TCTN2: variants seen among roughly 807,000 people sequenced by gnomAD.
TCTN2 encodes the protein tectonic family member 2, also known as tectonic-2.
A neutral mutation model predicts 83.4 loss-of-function variants in TCTN2; 66 were observed. The observed-to-expected ratio is 0.79, with a 90% CI of 0.65 to 0.97. The LOEUF (loss-of-function observed/expected upper bound fraction) is 0.97, where lower values mean the gene tolerates loss of function less well. Ranked by LOEUF, TCTN2 falls within the 50% of genes least tolerant of loss-of-function variation. The pLI, the probability that TCTN2 is intolerant of heterozygous loss-of-function variation, is 0.00. For synonymous variants in TCTN2, 301 were observed against 326.7 expected, an observed-to-expected ratio of 0.92 and a Z score of 0.85; for missense variants, 794 against 858.1, an observed-to-expected ratio of 0.93 and a Z score of 0.93.
In TCTN2 at chr12:123,687,002, C is replaced by T. The variant is rs760376471; in HGVS notation, c.731C>T (p.Thr244Ile). The T allele has an allele frequency of 1.5e-5, 24 of 1,614,086 alleles. No individual in the cohort carries two copies. The highest frequency in any genetic ancestry group is 1.8e-5 in the Non-Finnish European group (21 of 1,180,060). Residue 244 changes from threonine to isoleucine, a missense_variant, in exon 6 of 18, where the codon ACA becomes ATA. Coordinates refer to ENST00000303372, the MANE Select transcript of TCTN2 (RefSeq NM_024809.5). ...FLCVQSPLAN[T>I]PFLGYFYHGA... is the part of the protein sequence containing the mutation. ...TGTGTGCAGTCCCCCCTTGCCAACA[C>T]ACCCTTCCTTGGTTACTTCTATCAT... is the stretch of plus-strand genomic sequence containing the variant.
intron 14 of TCTN2, chr12:123,700,085 C>T (rs1956154715): frequency 1.9e-6 from 1 of 518,280 alleles, no homozygotes; most frequent in Non-Finnish European, 3.5e-6. Flanking sequence ...AATCACAGCT[C>T]ATTGCCTCCT....
At chr12:123,672,453 A>G (rs548796674) in intron 3 of TCTN2, among the ~76,000 whole-genome samples, 2 of 152,254 alleles carry the variant, frequency 1.3e-5, no homozygotes, top group South Asian at 4.1e-4. Context: ...AAAAAGCTTT[A>G]TGCCAGGCAT....
At position 123,706,791 on chromosome 12, in the gene TCTN2, C is replaced by G. The variant is rs770905174; in HGVS notation, c.1835C>G (p.Pro612Arg). ...TGTGAGCACAAGGCCGACCTTCTCC[C>G]TATCAGTGCATCCGTCCAGTTTATT... ...LTCEHKADLL[P>R]ISASVQFIKI... The change falls in exon 16 of 18, where the codon CCT becomes CGT. Residue 612 changes from proline (P) to arginine (R), a missense_variant. Physicochemically the swap from Pro to Arg is moderately radical, Grantham distance 103. Coordinates refer to ENST00000303372, the MANE Select transcript of TCTN2 (RefSeq NM_024809.5). 6.2e-7 allele frequency: 1 copy of G among 1,614,200 alleles called. No individual in the cohort carries two copies. Among genetic ancestry groups the G allele is most frequent in the Admixed American group, 1.7e-5 (1 of 60,024 alleles).
intron 17 of TCTN2, chr12:123,707,285 C>T: frequency 3.2e-6 from 2 of 618,732 alleles, no homozygotes; most frequent in South Asian, 4.0e-5. Flanking sequence ...CTTGCTCTGA[C>T]ACCCTGGCTG....
rs372353543 is a variant in TCTN2 at position 123,699,823 on chromosome 12, C to G, written c.1612+13C>G. On this transcript the variant is annotated intron_variant, in intron 14 of 17. Transcript: ENST00000303372. Reference sequence around the variant, plus strand: ...CTCGAAATAATACGTAAGTCAAACCCGGGTACAATAAAGCCTGTAACTTGG... The same window carrying G: ...CTCGAAATAATACGTAAGTCAAACCGGGGTACAATAAAGCCTGTAACTTGG... The G allele has an allele frequency of 6.2e-7, 1 of 1,606,928 alleles. No individual in the cohort carries two copies. The highest frequency in any genetic ancestry group is 1.7e-5 in the Admixed American group (1 of 60,012).
chr12:123,694,529 T>A (rs916922057), intron 9 of TCTN2, among the ~76,000 whole-genome samples: 1 of 152,266 alleles, frequency 6.6e-6, no homozygotes, highest in Non-Finnish European at 1.5e-5. Flanking sequence ...CTCTGGTCTT[T>A]CATCTCACAA....
chr12:123,700,099 C>T (rs1416088100), intron 14 of TCTN2: 3 of 479,224 alleles, frequency 6.3e-6, no homozygotes, highest in Non-Finnish European at 1.1e-5. Context: ...GCCTCCTCAT[C>T]CTCCCAGGCT....
At chr12:123,707,518 G>T in intron 17 of TCTN2, 86 bp from the exon 18 acceptor site, 1 of 1,288,634 alleles carries the variant, frequency 7.8e-7, no homozygotes, top group Non-Finnish European at 1.1e-6. Flanking sequence ...GATTACAGGA[G>T]TGAGCCACCA....
chr12:123,679,597 C>T (rs897826091), intron 5 of TCTN2, among the ~76,000 whole-genome samples: 2 of 152,054 alleles, frequency 1.3e-5, no homozygotes, highest in South Asian at 4.1e-4. Flanking sequence ...TTCCTGGGAT[C>T]AAACAGTCCT....
chr12:123,681,474 G>C (rs118073002), intron 5 of TCTN2, among the ~76,000 whole-genome samples: 1 of 152,158 alleles, frequency 6.6e-6, no homozygotes, highest in Admixed American at 6.6e-5. Context: ...GACATTGCAC[G>C]TATATGGAAT....
chr12:123,696,638 G>A (rs1040722197), intron 12 of TCTN2, 143 bp downstream of exon 12: 5 of 761,590 alleles, frequency 6.6e-6, no homozygotes, highest in Admixed American at 2.0e-5. Flanking sequence ...CTGAATAACA[G>A]TGATGATGGT....
At chr12:123,701,745 A>C (rs78854058) in intron 14 of TCTN2, among the ~76,000 whole-genome samples, 5 of 141,384 alleles carry the variant, frequency 3.5e-5, no homozygotes, top group African/African-American at 5.2e-5. Flanking sequence ...TCCGTCTCAC[A>C]AAAAAAAAAA....
At chr12:123,691,115 C>T (rs939066082) in intron 8 of TCTN2, among the ~76,000 whole-genome samples, 1 of 152,136 alleles carries the variant, frequency 6.6e-6, no homozygotes, top group African/African-American at 2.4e-5. Context: ...GTGATCCACT[C>T]TCCTAGGCCT....
At chr12:123,700,155 G>A (rs913955206) in intron 14 of TCTN2, 2 of 408,820 alleles carry the variant, frequency 4.9e-6, no homozygotes, top group Non-Finnish European at 9.2e-6. Flanking sequence ...GGAACCACAG[G>A]TGTGCGCCAC....
chr12:123,681,149 C>T (rs951945659), intron 5 of TCTN2, among the ~76,000 whole-genome samples: 3 of 151,248 alleles, frequency 2.0e-5, no homozygotes, highest in Non-Finnish European at 2.9e-5. Context: ...AGTGCCAGCT[C>T]GGGAGGCTGA....
chr12:123,689,357 A>G (rs1465767939), intron 7 of TCTN2, among the ~76,000 whole-genome samples: 2 of 152,094 alleles, frequency 1.3e-5, no homozygotes, highest in Admixed American at 6.6e-5. Flanking sequence ...CGCCCAGCCA[A>G]AAATTTTTCT....
rs1247415633 is a variant in TCTN2 at position 123,686,741 on chromosome 12, T to G, written c.565-95T>G. On this transcript the variant is annotated intron_variant, in intron 5 of 17. Coordinates refer to ENST00000303372, the MANE Select transcript of TCTN2 (RefSeq NM_024809.5). Reference sequence around the variant, plus strand: ...ATAGGTTTTCTTGCTTACTTGGTAGTGTCCTGCTGGCCTTAAATAAGAGTT... The same window carrying G: ...ATAGGTTTTCTTGCTTACTTGGTAGGGTCCTGCTGGCCTTAAATAAGAGTT... 1.6e-5 allele frequency: 19 copies of G among 1,185,336 alleles called. No individual in the cohort carries two copies. In the East Asian group the frequency reaches 4.4e-4, roughly 28 times the overall value. 73.4% of individuals were successfully genotyped at this position (1,185,336 alleles called of 1,614,324 possible).
rs1424881798 is a variant in TCTN2, at chr12:123,690,660, A to G, written c.1019A>G (p.Asn340Ser). 1 of 1,614,196 alleles carries G rather than the reference A, an allele frequency of 6.2e-7. No individual in the cohort carries two copies. The highest frequency in any genetic ancestry group is 8.5e-7 in the Non-Finnish European group (1 of 1,180,034). The change falls in exon 8 of 18, where the codon AAT becomes AGT. Residue 340 changes from asparagine to serine, a missense_variant. Asn to Ser is a conservative substitution (Grantham distance 46). Coordinates refer to ENST00000303372, the MANE Select transcript of TCTN2 (RefSeq NM_024809.5). ...GGTATTATCAATGCGAAGATAAAGA[A>G]TGTTGCCTTAGGAGGTATGTTACAT... Reference protein sequence around the residue: ...RDGIINAKIKNVALGGIVTPK... With the variant: ...RDGIINAKIKSVALGGIVTPK...
At position 123,696,554 on chromosome 12, in the gene TCTN2, C is replaced by G; in HGVS notation, c.1393+59C>G. 2.8e-6 allele frequency: 4 copies of G among 1,442,382 alleles called. No homozygotes were observed. The South Asian group carries it at 4.6e-5, about 16-fold the overall frequency. 89.3% of individuals were successfully genotyped at this position (1,442,382 alleles called of 1,614,324 possible). ...GGCAAATTGGTGTTAGAAGTATTAC[C>G]ATATTTTGAATCTAATCAAGCAATC... On this transcript the variant is annotated intron_variant, in intron 12 of 17. Transcript: ENST00000303372.
Sources: gnomAD v4.1 joint callset for allele counts (sites outside exome capture counted in the v4.1 genomes callset) on GRCh38, gnomAD v4.1.1 for gene constraint, MANE v1.5 for transcripts, NCBI Gene and HGNC (gene_info 2026-07-23, HGNC 2026-07-21) for gene names.